The following AUTS2 variants were observed in gnomAD, a reference collection of about 807,000 sequenced individuals.
The protein encoded by AUTS2 is autism susceptibility gene 2 protein.
A neutral mutation model predicts 112.4 loss-of-function variants in AUTS2; 17 were observed. The ratio of observed to expected loss-of-function variants is 0.15; its 90% CI spans 0.10 to 0.23. AUTS2 has a LOEUF of 0.23. AUTS2 is among the 10% of genes least tolerant of loss of function. The probability of loss-of-function intolerance (pLI) is 1.00; values close to 1 mark genes in which losing one functional copy is unlikely to be tolerated. For synonymous variants in AUTS2, 751 were observed against 702.7 expected (o/e 1.07, Z -1.09); for missense variants, 1,510 against 1,701.6 (o/e 0.89, Z 1.98).
At chr7:70,422,074 G>A (rs1795246243) in intron 4 of AUTS2, among the ~76,000 whole-genome samples, 1 of 152,138 alleles carries the variant, frequency 6.6e-6, no homozygotes, top group Non-Finnish European at 1.5e-5. Flanking sequence ...CAAAAGTGAA[G>A]GCAGATACCC....
intron 2 of AUTS2, among the ~76,000 whole-genome samples, chr7:70,030,336 C>T (rs1800718112): frequency 6.6e-6 from 1 of 152,202 alleles, no homozygotes; most frequent in Non-Finnish European, 1.5e-5. Flanking sequence ...CATAATGTCA[C>T]ATTTGACAGG....
intron 1 of AUTS2, among the ~76,000 whole-genome samples, chr7:69,796,689 G>T (rs1270025445): frequency 6.6e-6 from 1 of 152,178 alleles, no homozygotes; most frequent in African/African-American, 2.4e-5. Flanking sequence ...AGACAGATTT[G>T]CAGGGTAGCT....
At chr7:70,458,233 G>T (rs929304628) in intron 5 of AUTS2, among the ~76,000 whole-genome samples, 1 of 152,110 alleles carries the variant, frequency 6.6e-6, no homozygotes, top group Non-Finnish European at 1.5e-5. Flanking sequence ...CCTCTGCCTC[G>T]TATAATTTAA....
intron 4 of AUTS2, among the ~76,000 whole-genome samples, chr7:70,337,007 T>G (rs1791019918): frequency 6.6e-6 from 1 of 152,200 alleles, no homozygotes; most frequent in Non-Finnish European, 1.5e-5. Context: ...GGCTACCGAT[T>G]TAAAAATCCT....
At chr7:70,128,942 C>T (rs1267275434) in intron 3 of AUTS2, among the ~76,000 whole-genome samples, 4 of 152,120 alleles carry the variant, frequency 2.6e-5, no homozygotes, top group Non-Finnish European at 4.4e-5. Flanking sequence ...CACATGGTTT[C>T]TACAGCAGCC....
At chr7:70,653,176 G>A (rs987444052) in intron 5 of AUTS2, among the ~76,000 whole-genome samples, 11 of 152,124 alleles carry the variant, frequency 7.2e-5, no homozygotes, top group South Asian at 2.1e-4. Flanking sequence ...GATTGCTTTC[G>A]AGGCTGCATG....
intron 1 of AUTS2, among the ~76,000 whole-genome samples, chr7:69,631,244 C>A (rs1583974365): frequency 6.6e-6 from 1 of 151,866 alleles, no homozygotes; most frequent in African/African-American, 2.4e-5. Context: ...AGGTTAAGAA[C>A]CAAGGTCTTG....
intron 4 of AUTS2, among the ~76,000 whole-genome samples, chr7:70,220,603 G>A (rs901808337): frequency 6.6e-6 from 1 of 152,168 alleles, no homozygotes; most frequent in Non-Finnish European, 1.5e-5. Context: ...TGATTTAGGT[G>A]ATCTGCTAAG....
At chr7:70,150,173 A>G (rs1807352432) in intron 4 of AUTS2, among the ~76,000 whole-genome samples, 1 of 152,160 alleles carries the variant, frequency 6.6e-6, no homozygotes, top group South Asian at 2.1e-4. Context: ...TTAAATGGTT[A>G]GAGATTCAAT....
At chr7:70,401,978 T>C (rs1415362056) in intron 4 of AUTS2, among the ~76,000 whole-genome samples, 1 of 152,270 alleles carries the variant, frequency 6.6e-6, no homozygotes, top group African/African-American at 2.4e-5. Flanking sequence ...CCCAGGTTTC[T>C]GATCAACTCA....
At chr7:69,937,518 T>C (rs546369337) in intron 2 of AUTS2, among the ~76,000 whole-genome samples, 1 of 152,236 alleles carries the variant, frequency 6.6e-6, no homozygotes, top group Non-Finnish European at 1.5e-5. Flanking sequence ...GATCATAGTT[T>C]ACCTAATTGC....
intron 1 of AUTS2, among the ~76,000 whole-genome samples, chr7:69,769,624 C>A (rs1788576523): frequency 6.6e-6 from 1 of 152,218 alleles, no homozygotes; most frequent in Non-Finnish European, 1.5e-5. Flanking sequence ...TTCCTGGGAG[C>A]TGGCTGCTGC....
chr7:70,355,687 G>C (rs1294886228), intron 4 of AUTS2, among the ~76,000 whole-genome samples: 1 of 152,088 alleles, frequency 6.6e-6, no homozygotes, highest in Non-Finnish European at 1.5e-5. Context: ...CCCTCCACCG[G>C]GGATCTTTGA....
chr7:69,816,775 A>G (rs1014233027), intron 1 of AUTS2, among the ~76,000 whole-genome samples: 1 of 152,194 alleles, frequency 6.6e-6, no homozygotes, highest in Non-Finnish European at 1.5e-5. Context: ...CTATCCAGTA[A>G]TTGACAGAGC....
At chr7:69,794,773 C>G (rs1013063464) in intron 1 of AUTS2, among the ~76,000 whole-genome samples, 1 of 151,972 alleles carries the variant, frequency 6.6e-6, no homozygotes, top group Non-Finnish European at 1.5e-5. Flanking sequence ...TCAGTGTTAT[C>G]AAGGTTACCT....
intron 2 of AUTS2, among the ~76,000 whole-genome samples, chr7:70,048,857 C>T (rs548322255): frequency 6.6e-6 from 1 of 152,292 alleles, no homozygotes; most frequent in South Asian, 2.1e-4. Flanking sequence ...CCAGTGATAT[C>T]TTGGCTTAAA....
chr7:69,635,343 C>CA (rs1794466728), intron 1 of AUTS2, among the ~76,000 whole-genome samples: 1 of 152,162 alleles, frequency 6.6e-6, no homozygotes, highest in Admixed American at 6.5e-5. Flanking sequence ...AAATACAAAA[C>CA]AAAAAGCACC....
chr7:70,170,159 A>ATTT lies in AUTS2; in HGVS notation c.660+35604_660+35606dup, dbSNP rs34556589. Among the ~76,000 whole-genome samples the ATTT allele has an allele frequency of 2.3e-5, 3 of 132,878 alleles. No homozygotes were observed. The South Asian group carries it at 7.3e-4, about 32-fold the overall frequency. 87.2% of individuals were successfully genotyped at this position (132,878 alleles called of 152,430 possible). On this transcript the variant is annotated intron_variant, in intron 4 of 18. Coordinates refer to ENST00000342771, the MANE Select transcript of AUTS2 (RefSeq NM_015570.4). ...GGCAATTTGATAGCTAAATGCAAGT[A>ATTT]TTTTTTTTTTTTTTTTTTGAGACAG...
At chr7:70,377,335 T>TAA (rs1217106627) in intron 4 of AUTS2, among the ~76,000 whole-genome samples, 2 of 49,046 alleles carry the variant, frequency 4.1e-5, no homozygotes, top group African/African-American at 7.8e-5. Flanking sequence ...AATATATATA[T>TAA]ATATATATAT....
Sources: allele counts gnomAD v4.1 joint callset (sites outside exome capture counted in the v4.1 genomes callset), GRCh38; gene constraint gnomAD v4.1.1; transcripts MANE v1.5; gene names NCBI Gene and HGNC (gene_info 2026-07-23, HGNC 2026-07-21).